FOCAD: variants seen among roughly 807,000 people sequenced by gnomAD.
The protein encoded by FOCAD is KIAA1797.
Under a neutral mutation model 225.6 loss-of-function variants are expected in FOCAD, and 198 were observed. The observed-to-expected ratio is 0.88, with a 90% CI of 0.78 to 0.99. FOCAD has a LOEUF of 0.99. Among genes scored for constraint, FOCAD ranks in the 50% least tolerant of loss-of-function variants. The pLI is 0.00. For synonymous variants in FOCAD, 897 were observed against 755.0 expected, an observed-to-expected ratio of 1.19 and a Z score of -3.08; for missense variants, 2,713 against 2,123.6, an observed-to-expected ratio of 1.28 and a Z score of -5.46.
intron 5 of FOCAD, among the ~76,000 whole-genome samples, chr9:20,753,021 CTT>C (rs1210037288): frequency 4.6e-5 from 7 of 151,788 alleles, no homozygotes; most frequent in Non-Finnish European, 1.0e-4. Flanking sequence ...TATCCTGAGA[CTT>C]TGCTGAAGTT....
intron 11 of FOCAD, among the ~76,000 whole-genome samples, chr9:20,808,825 T>G (rs1429436206): frequency 2.6e-5 from 4 of 152,210 alleles, no homozygotes; most frequent in Non-Finnish European, 5.9e-5. Context: ...TCTATGTCCT[T>G]TGGACATTTA....
intron 21 of FOCAD, among the ~76,000 whole-genome samples, chr9:20,894,611 C>T (rs1479781332): frequency 2.0e-5 from 3 of 152,160 alleles, no homozygotes; most frequent in African/African-American, 7.2e-5. Context: ...ATATGTGAAG[C>T]ATTTTGTATA....
chr9:20,720,176 G>T (rs547532514), intron 3 of FOCAD, among the ~76,000 whole-genome samples: 2 of 152,184 alleles, frequency 1.3e-5, no homozygotes, highest in Admixed American at 1.3e-4. Flanking sequence ...AGGTGAGAGA[G>T]AGTTGCTGTA....
chr9:20,859,092 T>G (rs1019408298), intron 15 of FOCAD, among the ~76,000 whole-genome samples: 3 of 152,278 alleles, frequency 2.0e-5, no homozygotes, highest in Admixed American at 2.0e-4. Context: ...TTAAAAATGT[T>G]GGCTGGGCAT....
intron 4 of FOCAD, among the ~76,000 whole-genome samples, chr9:20,730,957 T>A (rs992171040): frequency 1.4e-4 from 21 of 152,290 alleles, no homozygotes; most frequent in Middle Eastern, 3.4e-3. Flanking sequence ...GATTTCTGGC[T>A]GAGCGCAGTG....
intron 11 of FOCAD, among the ~76,000 whole-genome samples, chr9:20,796,021 G>A (rs905716729): frequency 2.0e-5 from 3 of 149,118 alleles, no homozygotes; most frequent in Non-Finnish European, 3.0e-5. Flanking sequence ...GTGTCCATGT[G>A]TTCTCATTGT....
chr9:20,796,302 T>C (rs927035047), intron 11 of FOCAD, among the ~76,000 whole-genome samples: 1 of 152,226 alleles, frequency 6.6e-6, no homozygotes, highest in African/African-American at 2.4e-5. Context: ...TATAGCAGCA[T>C]GATTTATAAA....
chr9:20,954,952 G>T (rs1193571181), intron 35 of FOCAD, among the ~76,000 whole-genome samples: 1 of 152,160 alleles, frequency 6.6e-6, no homozygotes. Flanking sequence ...CAAATGCGGA[G>T]GTGTGCATGC....
At chr9:20,807,340 C>T (rs1366000405) in intron 11 of FOCAD, among the ~76,000 whole-genome samples, 7 of 152,238 alleles carry the variant, frequency 4.6e-5, no homozygotes, top group Admixed American at 2.0e-4. Flanking sequence ...TGTGTGTGCA[C>T]GCGCCTGTTT....
chr9:20,912,184 T>A (rs1197760428), intron 22 of FOCAD, among the ~76,000 whole-genome samples: 2 of 152,074 alleles, frequency 1.3e-5, no homozygotes, highest in African/African-American at 4.8e-5. Flanking sequence ...ATTTTAATTA[T>A]AGATAATTTA....
At chr9:20,964,116 A>G (rs992024038) in intron 35 of FOCAD, among the ~76,000 whole-genome samples, 5 of 152,098 alleles carry the variant, frequency 3.3e-5, no homozygotes, top group African/African-American at 1.2e-4. Flanking sequence ...CTGTAATCCC[A>G]GCACTTTGGG....
At chr9:20,804,000 A>C (rs1033187543) in intron 11 of FOCAD, among the ~76,000 whole-genome samples, 1 of 152,014 alleles carries the variant, frequency 6.6e-6, no homozygotes, top group African/African-American at 2.4e-5. Context: ...GGAGTAAGAC[A>C]TGTGGAGATA....
At chr9:20,727,236 C>A (rs1213436091) in intron 4 of FOCAD, among the ~76,000 whole-genome samples, 1 of 152,024 alleles carries the variant, frequency 6.6e-6, no homozygotes, top group Non-Finnish European at 1.5e-5. Context: ...AGTTCCTAAT[C>A]AGAAAAGTGG....
At chr9:20,863,932 T>A (rs1243436906) in intron 16 of FOCAD, among the ~76,000 whole-genome samples, 1 of 152,124 alleles carries the variant, frequency 6.6e-6, no homozygotes, top group African/African-American at 2.4e-5. Context: ...TTGTGAATTA[T>A]CTTTTGGACC....
chr9:20,897,094 T>C (rs1048754705), intron 21 of FOCAD: 1 of 151,858 alleles, frequency 6.6e-6, no homozygotes, highest in African/African-American at 2.4e-5. Context: ...GTGCATGCAC[T>C]CTAAGGATTG....
chr9:20,710,053 A>G (rs1478999748), intron 1 of FOCAD, among the ~76,000 whole-genome samples: 1 of 152,160 alleles, frequency 6.6e-6, no homozygotes, highest in Non-Finnish European at 1.5e-5. Flanking sequence ...GGCCTGGATC[A>G]GAGTGCATAG....
chr9:20,764,766 G>A (rs1356168884), intron 6 of FOCAD, 103 bp from the exon 7 acceptor site: 2 of 857,912 alleles, frequency 2.3e-6, no homozygotes, highest in African/African-American at 3.4e-5. Flanking sequence ...TTGATGATAT[G>A]GTAGATTATG....
intron 16 of FOCAD, among the ~76,000 whole-genome samples, chr9:20,864,630 A>T (rs1829071319): frequency 6.6e-6 from 1 of 152,072 alleles, no homozygotes; most frequent in African/African-American, 2.4e-5. Context: ...CTACAGGTAT[A>T]TGTATGCATA....
At chr9:20,937,982 C>G (rs1320048870) in intron 28 of FOCAD, among the ~76,000 whole-genome samples, 6 of 152,120 alleles carry the variant, frequency 3.9e-5, no homozygotes, top group Admixed American at 6.5e-5. Flanking sequence ...TGAAAAAATG[C>G]TCATCATCAC....
Sources: gnomAD v4.1 joint callset for allele counts (sites outside exome capture counted in the v4.1 genomes callset) on GRCh38, gnomAD v4.1.1 for gene constraint, MANE v1.5 for transcripts, NCBI Gene and HGNC (gene_info 2026-07-23, HGNC 2026-07-21) for gene names.